SDK2: variants seen among roughly 807,000 people sequenced by gnomAD.
SDK2 encodes the protein sidekick cell adhesion molecule 2.
A neutral mutation model predicts 253.9 loss-of-function variants in SDK2; 105 were observed. The observed-to-expected ratio is 0.41, with a 90% CI of 0.35 to 0.49. SDK2 has a LOEUF of 0.49. Ranked by LOEUF, SDK2 falls within the 20% of genes least tolerant of loss-of-function variation. The pLI, the probability that SDK2 is intolerant of heterozygous loss-of-function variation, is 0.06. For synonymous variants in SDK2, 1,249 were observed against 1,234.9 expected (o/e 1.01, Z -0.24); for missense variants, 2,608 against 3,003.0 (o/e 0.87, Z 3.07).
Position 73,600,379 on chromosome 17 carries a change from G to T in SDK2, c.64+43646C>A, listed in dbSNP as rs190118332. 5.3e-4 allele frequency among the ~76,000 whole-genome samples: 81 copies of T among 152,286 alleles called. 1 individual carries two copies. The Middle Eastern group carries it at 0.014, about 26-fold the overall frequency. ...GTGCTGCTAACAAGGGCAGTAATTT[G>T]TTCATTAAAAACGGGACGCCTTCCC... is the stretch of plus-strand genomic sequence containing the variant. On this transcript the variant is annotated intron_variant, in intron 1 of 44. Transcript: ENST00000392650.
intron 2 of SDK2, among the ~76,000 whole-genome samples, chr17:73,499,161 G>T (rs953010056): frequency 9.2e-5 from 14 of 152,228 alleles, no homozygotes; most frequent in Non-Finnish European, 1.8e-4. Flanking sequence ...CAGAAAGAGG[G>T]CCAGAGAAGC....
Position 73,616,997 on chromosome 17 carries a change from GCC to G in SDK2, c.64+27026_64+27027del, listed in dbSNP as rs1170018516. ...CAGGCCCATGCATGGCACATGGGAG[GCC>G]CACGACACATGTTTATTGAATGAAT... On this transcript the variant is annotated intron_variant, in intron 1 of 44. Coordinates refer to ENST00000392650, the MANE Select transcript of SDK2 (RefSeq NM_001144952.2). The surrounding 1 kb of genome is among the most constrained non-coding windows in gnomAD (Gnocchi z 5.2). Among the ~76,000 whole-genome samples, 5 of 152,148 alleles carry G rather than the reference GCC, an allele frequency of 3.3e-5. No individual in the cohort carries two copies. Among genetic ancestry groups the G allele is most frequent in the African/African-American group, 1.2e-4 (5 of 41,428 alleles).
At chr17:73,442,538 A>G (rs999763407) in intron 5 of SDK2, among the ~76,000 whole-genome samples, 6 of 152,020 alleles carry the variant, frequency 3.9e-5, no homozygotes, top group African/African-American at 9.7e-5. Context: ...ACGGGGTTTC[A>G]CTATGTTGGC....
intron 1 of SDK2, among the ~76,000 whole-genome samples, chr17:73,636,187 T>G (rs114273941): frequency 1.3e-3 from 195 of 152,170 alleles, no homozygotes; most frequent in African/African-American, 4.6e-3. Flanking sequence ...TGGGTTCACA[T>G]CCTGACTCCT....
rs1246393727 is a variant in SDK2 at position 73,546,113 on chromosome 17, G to A, written c.65-38516C>T. On this transcript the variant is annotated intron_variant, in intron 1 of 44. Transcript: ENST00000392650. ...GGAAGGAGTGCTGTCGGGGGCGGGG[G>A]GTGAGGAGAGGCAGAGAGAGAGATG... is the stretch of plus-strand genomic sequence containing the variant. Among the ~76,000 whole-genome samples, 4 of 152,054 alleles carry A rather than the reference G, an allele frequency of 2.6e-5. No individual in the cohort carries two copies. The East Asian group carries it at 7.7e-4, about 29-fold the overall frequency.
Position 73,402,091 on chromosome 17 carries a change from G to A in SDK2, c.2535C>T (p.Ala845=), listed in dbSNP as rs1296215447. 9 of 1,613,916 alleles carry A rather than the reference G, an allele frequency of 5.6e-6. No individual in the cohort carries two copies. The highest frequency in any genetic ancestry group is 7.6e-6 in the Non-Finnish European group (9 of 1,179,902). The change falls in exon 19 of 45, where the codon GCC becomes GCT. Residue 845 remains alanine (A), a synonymous_variant. Coordinates refer to ENST00000392650, the MANE Select transcript of SDK2 (RefSeq NM_001144952.2). The part of the protein sequence containing the change: ...EQEEEVTMVT[A]RPNFQDSIHV... ...GGATGCTGTCTTGAAAGTTAGGCCGGGCGGTCACCATGGTAACCTCCTCTT... is the reference window on the plus strand; with the variant it reads ...GGATGCTGTCTTGAAAGTTAGGCCGAGCGGTCACCATGGTAACCTCCTCTT...
chr17:73,376,821 T>C (rs912666791), intron 36 of SDK2, among the ~76,000 whole-genome samples: 1 of 152,136 alleles, frequency 6.6e-6, no homozygotes, highest in African/African-American at 2.4e-5. Context: ...CCTTGAGGGG[T>C]GTCATCCATC....
chr17:73,585,690 G>A (rs936402188), intron 1 of SDK2, among the ~76,000 whole-genome samples: 3 of 152,114 alleles, frequency 2.0e-5, no homozygotes, highest in African/African-American at 7.2e-5. Flanking sequence ...ACACACCTTT[G>A]AGTCCAGGGG....
At chr17:73,509,125 G>A (rs2063958106) in intron 1 of SDK2, among the ~76,000 whole-genome samples, 1 of 152,218 alleles carries the variant, frequency 6.6e-6, no homozygotes, top group African/African-American at 2.4e-5. Context: ...GTGGTGGGGG[G>A]TCTGTCATCT....
At position 73,550,677 on chromosome 17, in the gene SDK2, C is replaced by A. The variant is rs187713699; in HGVS notation, c.65-43080G>T. ...TGGAGTCAGAGTCCACTCAAGAAAG[C>A]AGAAACTACTGGCTATACTCGCACA... On this transcript the variant is annotated intron_variant, in intron 1 of 44. Transcript: ENST00000392650. Among the ~76,000 whole-genome samples the A allele has an allele frequency of 2.6e-5, 4 of 152,308 alleles. No homozygotes were observed. The East Asian group carries it at 7.7e-4, about 29-fold the overall frequency.
Position 73,447,063 on chromosome 17 carries a change from G to A in SDK2, c.613+552C>T, listed in dbSNP as rs577238269. ...TTCTAGGGAGGGCTTTGCCCTTTTCGCCCAGGGAGCTGGAGGTGTCTGAGG... is the reference window on the plus strand; with the variant it reads ...TTCTAGGGAGGGCTTTGCCCTTTTCACCCAGGGAGCTGGAGGTGTCTGAGG... On this transcript the variant is annotated intron_variant, in intron 5 of 44. Coordinates refer to ENST00000392650, the MANE Select transcript of SDK2 (RefSeq NM_001144952.2). This position sits in a 1 kb window ranked among gnomAD's most constrained non-coding sequence, Gnocchi z 4.0. Among the ~76,000 whole-genome samples, 1 of 152,228 alleles carries A rather than the reference G, an allele frequency of 6.6e-6. No homozygotes were observed. The highest frequency in any genetic ancestry group is 1.5e-5 in the Non-Finnish European group (1 of 68,004).
chr17:73,371,479 T>C (rs985375539), intron 36 of SDK2, among the ~76,000 whole-genome samples: 1 of 152,204 alleles, frequency 6.6e-6, no homozygotes, highest in Non-Finnish European at 1.5e-5. Flanking sequence ...TGACTCGATA[T>C]GAGCAACATG....
At chr17:73,641,761 C>CA (rs2046401670) in intron 1 of SDK2, among the ~76,000 whole-genome samples, 1 of 152,098 alleles carries the variant, frequency 6.6e-6, no homozygotes, top group Non-Finnish European at 1.5e-5. Flanking sequence ...AGCTACCCCC[C>CA]AAAGGATTAA....
Position 73,447,604 on chromosome 17 carries a change from T to C in SDK2, c.613+11A>G, listed in dbSNP as rs2145644231. On this transcript the variant is annotated intron_variant, in intron 5 of 44. Coordinates refer to ENST00000392650, the MANE Select transcript of SDK2 (RefSeq NM_001144952.2). This position sits in a 1 kb window ranked among gnomAD's most constrained non-coding sequence, Gnocchi z 4.0. The stretch of plus-strand genomic sequence containing the variant: ...CGCTCCAAGATCGGTCCCGGCCCTG[T>C]GCGTACTTACTCTCCACGGTGAGCG... 1 of 1,551,898 alleles carries C rather than the reference T, an allele frequency of 6.4e-7. No individual in the cohort carries two copies. Among genetic ancestry groups the C allele is most frequent in the Non-Finnish European group, 8.7e-7 (1 of 1,147,038 alleles).
intron 2 of SDK2, among the ~76,000 whole-genome samples, chr17:73,483,299 A>G (rs566082784): frequency 3.9e-3 from 586 of 148,600 alleles, no homozygotes; most frequent in Non-Finnish European, 6.2e-3. Context: ...CACCGACACA[A>G]GACAGAACTT....
At chr17:73,354,365 C>T (rs2062567264) in intron 40 of SDK2, among the ~76,000 whole-genome samples, 2 of 152,194 alleles carry the variant, frequency 1.3e-5, no homozygotes, top group Admixed American at 6.5e-5. Flanking sequence ...TCATGCTGTT[C>T]AGTCAGAGCG....
At chr17:73,354,687 G>A (rs1174800188) in intron 40 of SDK2, among the ~76,000 whole-genome samples, 1 of 152,096 alleles carries the variant, frequency 6.6e-6, no homozygotes, top group Non-Finnish European at 1.5e-5. Flanking sequence ...GCCAACAGTG[G>A]GTCTTCCAGG....
chr17:73,520,415 C>T (rs2064068825), intron 1 of SDK2: 2 of 152,282 alleles, frequency 1.3e-5, no homozygotes, highest in Non-Finnish European at 2.9e-5. Flanking sequence ...GACCTCCTCC[C>T]CTCCAATCAG....
intron 3 of SDK2, among the ~76,000 whole-genome samples, chr17:73,471,129 G>A (rs1480439949): frequency 1.3e-5 from 2 of 152,086 alleles, no homozygotes; most frequent in African/African-American, 4.8e-5. Context: ...CTTGGTGAGG[G>A]CCTCCCACTT....
Sources: allele counts gnomAD v4.1 joint callset (sites outside exome capture counted in the v4.1 genomes callset), GRCh38; gene constraint gnomAD v4.1.1; non-coding constraint Gnocchi (gnomAD v3.1); transcripts MANE v1.5; gene names NCBI Gene and HGNC (gene_info 2026-07-23, HGNC 2026-07-21).